Variants in RUNX1 observed in about 807,000 individuals in gnomAD.
The protein encoded by RUNX1 is RUNX family transcription factor 1.
In RUNX1, 19 loss-of-function variants were observed where a neutral mutation model predicts 42.8. That is an observed-to-expected ratio of 0.44 (90% CI 0.31 to 0.65). The LOEUF (loss-of-function observed/expected upper bound fraction) is 0.65. RUNX1 is among the 30% of genes least tolerant of loss of function. RUNX1 has a pLI of 0.07. For missense variants in RUNX1, 528 were observed against 672.0 expected, an observed-to-expected ratio of 0.79 and a Z score of 2.37; for synonymous variants, 271 against 289.4, an observed-to-expected ratio of 0.94 and a Z score of 0.64.
At chr21:34,949,490 G>A (rs1010295435) in intron 2 of RUNX1, among the ~76,000 whole-genome samples, 4 of 152,228 alleles carry the variant, frequency 2.6e-5, no homozygotes, top group African/African-American at 9.6e-5. Context: ...AATGTGGCTG[G>A]GTTGAATGCT....
At chr21:35,045,804 C>G (rs960820900) in intron 2 of RUNX1, among the ~76,000 whole-genome samples, 7 of 152,146 alleles carry the variant, frequency 4.6e-5, no homozygotes, top group African/African-American at 1.7e-4. Flanking sequence ...ATACATGCAG[C>G]TTTGTACTTG....
rs897881892 is a variant in RUNX1 at position 35,023,571 on chromosome 21, C to T, written c.58+25271G>A. Among the ~76,000 whole-genome samples the T allele has an allele frequency of 7.2e-5, 11 of 152,166 alleles. No homozygotes were observed. The East Asian group carries it at 7.7e-4, about 11-fold the overall frequency. ...CACTCAGGTGGTTCAAGTTGACCTG[C>T]GGGGCTAGCAGGGCAGAGTAGGGCT... On this transcript the variant is annotated intron_variant, in intron 2 of 8. Transcript: ENST00000675419.
At chr21:34,930,218 T>A (rs2058429299) in intron 2 of RUNX1, among the ~76,000 whole-genome samples, 1 of 137,110 alleles carries the variant, frequency 7.3e-6, no homozygotes, top group Admixed American at 7.2e-5. Flanking sequence ...TATATACATG[T>A]ATATATATTA....
chr21:34,920,106 G>A (rs1178789200), intron 2 of RUNX1, among the ~76,000 whole-genome samples: 4 of 151,940 alleles, frequency 2.6e-5, no homozygotes, highest in African/African-American at 9.7e-5. Context: ...CATCATCAAG[G>A]AAAAAAGTAC....
chr21:34,797,613 G>A (rs1435812270), intron 8 of RUNX1, among the ~76,000 whole-genome samples: 2 of 152,202 alleles, frequency 1.3e-5, no homozygotes, highest in African/African-American at 2.4e-5. Context: ...AGTAAAAGCT[G>A]ACAAGTGCCT....
chr21:34,922,101 C>T (rs1329801653), intron 2 of RUNX1, among the ~76,000 whole-genome samples: 2 of 152,190 alleles, frequency 1.3e-5, no homozygotes, highest in Non-Finnish European at 2.9e-5. Flanking sequence ...CCAGCATGTA[C>T]TGAGCAGCCT....
chr21:34,995,064 C>G (rs1466708953), intron 2 of RUNX1, among the ~76,000 whole-genome samples: 2 of 152,228 alleles, frequency 1.3e-5, no homozygotes, highest in Non-Finnish European at 2.9e-5. Flanking sequence ...CGAAAGGAAA[C>G]TTGACTGGTA....
chr21:34,805,522 A>C (rs1293642981), intron 7 of RUNX1, among the ~76,000 whole-genome samples: 1 of 152,248 alleles, frequency 6.6e-6, no homozygotes, highest in Non-Finnish European at 1.5e-5. Flanking sequence ...GATAAGAATT[A>C]CATTATCTTT....
rs558553504 is a variant in RUNX1 at position 34,821,147 on chromosome 21, TG to T, written c.805+13262del. ...AAACCACCAATACCTTTATCCACTCTGGGGCTCCCGAGGAATAAGGAGACAC... is the reference window on the plus strand; with the variant it reads ...AAACCACCAATACCTTTATCCACTCTGGGCTCCCGAGGAATAAGGAGACAC... On this transcript the variant is annotated intron_variant, in intron 7 of 8. Transcript: ENST00000675419. 188 of 897,582 alleles carry T rather than the reference TG, an allele frequency of 2.1e-4. No homozygotes were observed. In the African/African-American group the frequency reaches 2.9e-3, roughly 14 times the overall value. 55.6% of individuals were successfully genotyped at this position (897,582 alleles called of 1,614,324 possible). A position where few individuals can be genotyped will look rare whatever the true frequency, so the allele number is the denominator to read the frequency against.
intron 2 of RUNX1, among the ~76,000 whole-genome samples, chr21:35,005,224 TACAG>T (rs1178906925): frequency 1.3e-5 from 2 of 152,050 alleles, no homozygotes; most frequent in African/African-American, 2.4e-5. Flanking sequence ...AAGACAGAGA[TACAG>T]ACAGAGATGA....
intron 2 of RUNX1, among the ~76,000 whole-genome samples, chr21:34,937,020 T>C (rs1434664101): frequency 6.6e-6 from 1 of 152,090 alleles, no homozygotes; most frequent in Non-Finnish European, 1.5e-5. Context: ...AAGGATTCTA[T>C]TGTATGACTG....
intron 2 of RUNX1, among the ~76,000 whole-genome samples, chr21:35,037,680 G>C (rs1025063920): frequency 6.6e-6 from 1 of 152,182 alleles, no homozygotes; most frequent in Non-Finnish European, 1.5e-5. Flanking sequence ...AACCTTGGCA[G>C]GCCATGCTTC....
chr21:34,843,545 C>T lies in RUNX1; in HGVS notation c.614-8944G>A, dbSNP rs775170887. On this transcript the variant is annotated intron_variant, in intron 6 of 8. Coordinates refer to ENST00000675419, the MANE Select transcript of RUNX1 (RefSeq NM_001754.5). This position sits in a 1 kb window ranked among gnomAD's most constrained non-coding sequence, Gnocchi z 4.8. ...TCACACACACACACCGTTCTGTGAT[C>T]GCCCTCAGGACATGGGCCAAGACAA... Among the ~76,000 whole-genome samples, 53 of 152,114 alleles carry T rather than the reference C, an allele frequency of 3.5e-4. 1 individual carries two copies. Among genetic ancestry groups the T allele is most frequent in the Non-Finnish European group, 6.3e-4 (43 of 68,014 alleles).
intron 2 of RUNX1, among the ~76,000 whole-genome samples, chr21:34,949,776 A>G (rs978421116): frequency 6.6e-6 from 1 of 152,204 alleles, no homozygotes; most frequent in Non-Finnish European, 1.5e-5. Flanking sequence ...CCAACGCACA[A>G]CATATGTTCA....
chr21:34,957,241 C>T (rs1001390193), intron 2 of RUNX1, among the ~76,000 whole-genome samples: 1 of 152,124 alleles, frequency 6.6e-6, no homozygotes, highest in Non-Finnish European at 1.5e-5. Flanking sequence ...CGTTATGGGG[C>T]ACTAAATGTG....
chr21:34,982,231 T>C (rs1054280441), intron 2 of RUNX1, among the ~76,000 whole-genome samples: 1 of 152,200 alleles, frequency 6.6e-6, no homozygotes, highest in Non-Finnish European at 1.5e-5. Context: ...TTGTGCCACA[T>C]ACAAGGTGTA....
chr21:34,797,060 A>AC (rs1432054157), intron 8 of RUNX1, among the ~76,000 whole-genome samples: 1 of 151,506 alleles, frequency 6.6e-6, no homozygotes, highest in Non-Finnish European at 1.5e-5. Context: ...TATGTATTCC[A>AC]CCCCCCTCCT....
At chr21:34,828,900 CTATAATA>C (rs1334453891) in intron 7 of RUNX1, among the ~76,000 whole-genome samples, 2 of 152,188 alleles carry the variant, frequency 1.3e-5, no homozygotes, top group African/African-American at 2.4e-5. Context: ...ATTACCCAGT[CTATAATA>C]TATAAGACTA....
intron 2 of RUNX1, among the ~76,000 whole-genome samples, chr21:34,982,384 T>C (rs1284125480): frequency 1.0e-5 from 1 of 99,954 alleles, no homozygotes; most frequent in Non-Finnish European, 2.0e-5. Context: ...GGCTCAATTA[T>C]GAAGTCAAAA....
Sources: allele counts gnomAD v4.1 joint callset (sites outside exome capture counted in the v4.1 genomes callset), GRCh38; gene constraint gnomAD v4.1.1; non-coding constraint Gnocchi (gnomAD v3.1); transcripts MANE v1.5; gene names NCBI Gene and HGNC (gene_info 2026-07-23, HGNC 2026-07-21).